The following GLIS1 variants were observed in gnomAD, a reference collection of about 807,000 sequenced individuals.
GLIS1 encodes GLIS family zinc finger 1.
A neutral mutation model predicts 63.8 loss-of-function variants in GLIS1; 24 were observed. That is an observed-to-expected ratio of 0.38 (90% CI 0.27 to 0.53). GLIS1 has a LOEUF of 0.53. Among genes scored for constraint, GLIS1 ranks in the 20% least tolerant of loss-of-function variants. The pLI is 0.85. For synonymous variants in GLIS1, 450 were observed against 482.5 expected, an observed-to-expected ratio of 0.93 and a Z score of 0.88; for missense variants, 1,036 against 1,074.1, an observed-to-expected ratio of 0.96 and a Z score of 0.50.
chr1:53,628,223 C>T (rs968328734), intron 2 of GLIS1, among the ~76,000 whole-genome samples: 18 of 152,174 alleles, frequency 1.2e-4, no homozygotes, highest in Admixed American at 2.0e-4. Context: ...TAGGACCTGG[C>T]CTGGGTCTCT....
Position 53,719,828 on chromosome 1 carries a change from C to T in GLIS1, c.259+17978G>A, listed in dbSNP as rs11803461. Among the ~76,000 whole-genome samples the T allele has an allele frequency of 7.7e-3, 1,179 of 152,288 alleles. 21 individuals are homozygous for T. Among genetic ancestry groups the T allele is most frequent in the African/African-American group, 0.026 (1,070 of 41,564 alleles). ...ATTAAAATTAGAGCTACCCTATGAT[C>T]CAGCAATCCCACTGCTGTGCATACA... On this transcript the variant is annotated intron_variant, in intron 2 of 10. Transcript: ENST00000628545.
chr1:53,685,413 G>A (rs542280794), intron 2 of GLIS1, among the ~76,000 whole-genome samples: 12 of 152,342 alleles, frequency 7.9e-5, no homozygotes, highest in South Asian at 4.1e-4. Context: ...CAGCGCTGCC[G>A]GCCTGTGTAC....
In GLIS1 at chr1:53,511,863, A is replaced by C. The variant is rs1644301406; in HGVS notation, c.1884-1836T>G. ...ATCCCCATCCCATCTGGGCACCCACAACCCAGCCCTCCCCTGGTTTCCTGA... is the reference window on the plus strand; with the variant it reads ...ATCCCCATCCCATCTGGGCACCCACCACCCAGCCCTCCCCTGGTTTCCTGA... On this transcript the variant is annotated intron_variant, in intron 8 of 10. Transcript: ENST00000628545. The surrounding 1 kb of genome is among the most constrained non-coding windows in gnomAD (Gnocchi z 4.2). 6.6e-6 allele frequency among the ~76,000 whole-genome samples: 1 copy of C among 152,054 alleles called. No homozygotes were observed. The highest frequency in any genetic ancestry group is 2.4e-5 in the African/African-American group (1 of 41,404).
intron 2 of GLIS1, among the ~76,000 whole-genome samples, chr1:53,633,036 T>C (rs1195648015): frequency 7.2e-6 from 1 of 138,828 alleles, no homozygotes; most frequent in African/African-American, 2.8e-5. Flanking sequence ...GGGGCATGTG[T>C]ATGAGTGTGA....
chr1:53,524,852 C>T lies in GLIS1; in HGVS notation c.1518G>A (p.Lys506=). ...PYACQIPGCS[K]RYTDPSSLRK... is the part of the protein sequence containing the mutation. The stretch of plus-strand genomic sequence containing the variant: ...GGAGGGAGCTGGGGTCTGTGTAGCG[C>T]TTGGAGCAGCCAGGGATCTGACAGG... The change falls in exon 6 of 11, where the codon AAG becomes AAA. Residue 506 remains lysine (K), a synonymous_variant. Transcript: ENST00000628545. The T allele has an allele frequency of 6.2e-7, 1 of 1,611,992 alleles. No homozygotes were observed. Among genetic ancestry groups the T allele is most frequent in the Non-Finnish European group, 8.5e-7 (1 of 1,178,872 alleles).
chr1:53,684,205 T>C (rs1373077422), intron 2 of GLIS1, among the ~76,000 whole-genome samples: 1 of 152,102 alleles, frequency 6.6e-6, no homozygotes, highest in Non-Finnish European at 1.5e-5. Flanking sequence ...CCAAGATCTC[T>C]GCAGTCCAGC....
chr1:53,600,216 C>T lies in GLIS1; in HGVS notation c.322G>A (p.Ala108Thr). The T allele has an allele frequency of 8.1e-7, 1 of 1,232,120 alleles. No homozygotes were observed. 76.3% of individuals were successfully genotyped at this position (1,232,120 alleles called of 1,614,324 possible). A position where few individuals can be genotyped will look rare whatever the true frequency, so the allele number is the denominator to read the frequency against. Residue 108 changes from alanine (A) to threonine (T), a missense_variant, in exon 3 of 11, where the codon GCT becomes ACT. By Grantham distance (58) the Ala-to-Thr change is moderately conservative. Coordinates refer to ENST00000628545, the MANE Select transcript of GLIS1 (RefSeq NM_001367484.1). ...SEKSLLDLDL[A>T]EGPGPTCCQG... Reference sequence around the variant, plus strand: ...CAGCAGGTGGGGCCAGGGCCCTCAGCAAGGTCCAGGTCCAGCAGGCTCTTC... The same window carrying T: ...CAGCAGGTGGGGCCAGGGCCCTCAGTAAGGTCCAGGTCCAGCAGGCTCTTC...
At chr1:53,596,492 T>C (rs1019695361) in intron 3 of GLIS1, among the ~76,000 whole-genome samples, 1 of 152,136 alleles carries the variant, frequency 6.6e-6, no homozygotes, top group Non-Finnish European at 1.5e-5. Context: ...GCCTGTAAAA[T>C]GAGGGCTAAG....
chr1:53,728,138 A>G (rs1222806792), intron 2 of GLIS1, among the ~76,000 whole-genome samples: 3 of 152,168 alleles, frequency 2.0e-5, no homozygotes, highest in Non-Finnish European at 4.4e-5. Flanking sequence ...GCATAAGTAA[A>G]TAGGAAATTG....
At chr1:53,619,852 A>C (rs1335035876) in intron 2 of GLIS1, among the ~76,000 whole-genome samples, 3 of 152,208 alleles carry the variant, frequency 2.0e-5, no homozygotes, top group African/African-American at 7.2e-5. Context: ...AGTGAGCGTG[A>C]AGGGCTGTCC....
rs1644331441 is a variant in GLIS1, at chr1:53,514,648, G to C, written c.1860C>G (p.Pro620=). Residue 620 remains proline, a synonymous_variant, in exon 8 of 11, where the codon CCC becomes CCG. Coordinates refer to ENST00000628545, the MANE Select transcript of GLIS1 (RefSeq NM_001367484.1). The part of the protein sequence containing the change: ...TSSHHHLSPL[P]MAESTRDGLG... ...ACCCATCCCGGGTGCTCTCAGCCAT[G>C]GGCAGAGGGGACAGATGGTGGTGGG... 1 of 1,613,768 alleles carries C rather than the reference G, an allele frequency of 6.2e-7. No homozygotes were observed. Among genetic ancestry groups the C allele is most frequent in the African/African-American group, 1.3e-5 (1 of 74,994 alleles).
intron 4 of GLIS1, among the ~76,000 whole-genome samples, chr1:53,536,546 A>G (rs1205076815): frequency 6.6e-6 from 1 of 152,054 alleles, no homozygotes; most frequent in African/African-American, 2.4e-5. Flanking sequence ...TCTGCAGAAT[A>G]AGAAACTGAG....
At chr1:53,618,838 T>C (rs964284422) in intron 2 of GLIS1, among the ~76,000 whole-genome samples, 2 of 152,156 alleles carry the variant, frequency 1.3e-5, no homozygotes, top group African/African-American at 4.8e-5. Context: ...TTTTTCACAC[T>C]TGAGGTCAAG....
At chr1:53,682,160 G>C (rs993381145) in intron 2 of GLIS1, among the ~76,000 whole-genome samples, 1 of 152,186 alleles carries the variant, frequency 6.6e-6, no homozygotes, top group East Asian at 1.9e-4. Context: ...CTGTTGTAAA[G>C]GTGAGGCACC....
intron 2 of GLIS1, among the ~76,000 whole-genome samples, chr1:53,652,557 T>C (rs1164234886): frequency 6.6e-6 from 1 of 152,168 alleles, no homozygotes; most frequent in East Asian, 1.9e-4. Flanking sequence ...CCTATGACCA[T>C]GAGCCCCTGG....
Position 53,506,670 on chromosome 1 carries a change from TC to T in GLIS1, c.2336del (p.Gly779GlufsTer46). 1 of 1,613,374 alleles carries T rather than the reference TC, an allele frequency of 6.2e-7. No individual in the cohort carries two copies. The highest frequency in any genetic ancestry group is 8.5e-7 in the Non-Finnish European group (1 of 1,179,944). On this transcript the variant is annotated frameshift_variant, in exon 11 of 11. Coordinates refer to ENST00000628545, the MANE Select transcript of GLIS1 (RefSeq NM_001367484.1). LOFTEE classifies it high-confidence loss of function. ...TGTGGCCCAGGCAGTGGTCAAAGGCTCCATTGGGGAAGAAGCCACAGTCCTC... is the reference window on the plus strand; with the variant it reads ...TGTGGCCCAGGCAGTGGTCAAAGGCTCATTGGGGAAGAAGCCACAGTCCTC... ...GPEDCGFFPN[G>X]AFDHCLGHIP...
At chr1:53,688,227 G>A (rs1020352897) in intron 2 of GLIS1, among the ~76,000 whole-genome samples, 2 of 152,218 alleles carry the variant, frequency 1.3e-5, no homozygotes, top group Non-Finnish European at 2.9e-5. Context: ...CGGGCTCATC[G>A]CTCCCTCCTG....
chr1:53,704,750 A>G lies in GLIS1; in HGVS notation c.259+33056T>C, dbSNP rs149652093. Among the ~76,000 whole-genome samples the G allele has an allele frequency of 5.9e-3, 904 of 152,316 alleles. 10 individuals carry two copies. Among genetic ancestry groups the G allele is most frequent in the African/African-American group, 0.021 (877 of 41,580 alleles). ...AGCCCCTGGCTCTGTGGGCTCTAGCAGCCCCCAAACCTGGGGCAAGTCACT... is the reference window on the plus strand; with the variant it reads ...AGCCCCTGGCTCTGTGGGCTCTAGCGGCCCCCAAACCTGGGGCAAGTCACT... On this transcript the variant is annotated intron_variant, in intron 2 of 10. Coordinates refer to ENST00000628545, the MANE Select transcript of GLIS1 (RefSeq NM_001367484.1).
At position 53,529,792 on chromosome 1, in the gene GLIS1, G is replaced by T; in HGVS notation, c.1481C>A (p.Thr494Lys). 6.2e-7 allele frequency: 1 copy of T among 1,610,994 alleles called. No homozygotes were observed. ...RAKHQRTHLD[T>K]KPYACQIPGC... ...TGGGCCTCTGCCTGTTGGGCCTACC[G>T]TGTCTAGGTGGGTGCGCTGGTGCTT... The change falls in exon 5 of 11, where the codon ACG becomes AAG. Residue 494 changes from threonine (T) to lysine (K), a missense_variant and splice_region_variant. Coordinates refer to ENST00000628545, the MANE Select transcript of GLIS1 (RefSeq NM_001367484.1).
Sources: allele counts gnomAD v4.1 joint callset (sites outside exome capture counted in the v4.1 genomes callset), GRCh38; gene constraint gnomAD v4.1.1; non-coding constraint Gnocchi (gnomAD v3.1); transcripts MANE v1.5; gene names NCBI Gene and HGNC (gene_info 2026-07-23, HGNC 2026-07-21).